HDAC9: variants seen among roughly 807,000 people sequenced by gnomAD.
HDAC9 encodes the protein MEF-2 interacting transcription repressor (MITR) protein.
Under a neutral mutation model 139.4 loss-of-function variants are expected in HDAC9, and 41 were observed. That is an observed-to-expected ratio of 0.29 (90% CI 0.23 to 0.38). HDAC9 has a LOEUF of 0.38. Among genes scored for constraint, HDAC9 ranks in the 10% least tolerant of loss-of-function variants. The pLI, the probability that HDAC9 is intolerant of heterozygous loss-of-function variation, is 1.00. For missense variants in HDAC9, 1,147 were observed against 1,297.0 expected, an observed-to-expected ratio of 0.88 and a Z score of 1.78; for synonymous variants, 517 against 476.2, an observed-to-expected ratio of 1.09 and a Z score of -1.12.
At chr7:18,930,986 A>T (rs1804692114) in intron 22 of HDAC9, among the ~76,000 whole-genome samples, 1 of 152,180 alleles carries the variant, frequency 6.6e-6, no homozygotes, top group South Asian at 2.1e-4. Flanking sequence ...TTTGTTCAGT[A>T]GTGACTTTAG....
At position 18,458,867 on chromosome 7, in the gene HDAC9, G is replaced by T. The variant is rs1168941125; in HGVS notation, c.-41-37395G>T. 43 of 1,534,918 alleles carry T rather than the reference G, an allele frequency of 2.8e-5. No individual in the cohort carries two copies. The East Asian group carries it at 1.0e-3, about 37-fold the overall frequency. On this transcript the variant is annotated intron_variant, in intron 1 of 3. Transcript: ENST00000413509. ...ACCTCATGTGGAACCTTGTACCATGGGTGCTATTCTGTGGCTGCTGTAGGA... is the reference window on the plus strand; with the variant it reads ...ACCTCATGTGGAACCTTGTACCATGTGTGCTATTCTGTGGCTGCTGTAGGA...
chr7:18,819,885 G>A (rs150013575), intron 17 of HDAC9, among the ~76,000 whole-genome samples: 504 of 152,126 alleles, frequency 3.3e-3, no homozygotes, highest in Non-Finnish European at 4.8e-3. Context: ...GGTACTATAG[G>A]ATATATTTGC....
chr7:18,214,187 A>G (rs1792135872), intron 2 of HDAC9, among the ~76,000 whole-genome samples: 1 of 152,144 alleles, frequency 6.6e-6, no homozygotes. Context: ...ATATTAATAG[A>G]GTATAATTGT....
At chr7:18,385,675 T>C (rs528472989) in intron 1 of HDAC9, among the ~76,000 whole-genome samples, 17 of 152,304 alleles carry the variant, frequency 1.1e-4, no homozygotes, top group South Asian at 2.1e-4. Flanking sequence ...TAATAGCCAT[T>C]TCTCATAAAT....
chr7:18,574,970 C>T (rs996969150), intron 2 of HDAC9, among the ~76,000 whole-genome samples: 1 of 152,214 alleles, frequency 6.6e-6, no homozygotes, highest in Non-Finnish European at 1.5e-5. Context: ...AACTCGAAAG[C>T]GGGTGAGGCT....
At chr7:18,764,293 C>T (rs762697606) in intron 15 of HDAC9, among the ~76,000 whole-genome samples, 2 of 152,086 alleles carry the variant, frequency 1.3e-5, no homozygotes, top group Non-Finnish European at 2.9e-5. Flanking sequence ...AATATTCCTA[C>T]AGTTGATAAT....
intron 6 of HDAC9, among the ~76,000 whole-genome samples, chr7:18,612,440 TCTAGAAG>T (rs1192510586): frequency 1.3e-5 from 2 of 152,162 alleles, no homozygotes; most frequent in African/African-American, 4.8e-5. Context: ...TTATGAGTCC[TCTAGAAG>T]TGAAAGATGA....
At chr7:18,546,414 C>T (rs1215875459) in intron 2 of HDAC9, among the ~76,000 whole-genome samples, 4 of 152,102 alleles carry the variant, frequency 2.6e-5, no homozygotes, top group African/African-American at 9.7e-5. Context: ...TACGAACTCT[C>T]CAAGTTCTTA....
At chr7:18,096,734 T>G (rs1425581400) in intron 1 of HDAC9, among the ~76,000 whole-genome samples, 1 of 152,228 alleles carries the variant, frequency 6.6e-6, no homozygotes, top group Non-Finnish European at 1.5e-5. Flanking sequence ...GACCGATTAT[T>G]AATATATTGT....
intron 12 of HDAC9, among the ~76,000 whole-genome samples, chr7:18,680,500 TG>T (rs1198348486): frequency 1.3e-5 from 2 of 151,952 alleles, no homozygotes; most frequent in Non-Finnish European, 2.9e-5. Flanking sequence ...TTAATTACCA[TG>T]GACTTTTAGA....
chr7:18,521,885 C>T (rs770242603), intron 2 of HDAC9, among the ~76,000 whole-genome samples: 1 of 152,000 alleles, frequency 6.6e-6, no homozygotes, highest in South Asian at 2.1e-4. Context: ...GAGTTTTACA[C>T]GAGGTTTAGA....
At chr7:18,494,201 A>C (rs942023610), upstream of HDAC9, among the ~76,000 whole-genome samples, 1 of 152,116 alleles carries the variant, frequency 6.6e-6, no homozygotes, top group Admixed American at 6.6e-5. Flanking sequence ...TGTAACTTAC[A>C]TATCCAAATA....
intron 1 of HDAC9, among the ~76,000 whole-genome samples, chr7:18,297,173 C>G (rs1798204907): frequency 6.6e-6 from 1 of 152,136 alleles, no homozygotes; most frequent in Admixed American, 6.5e-5. Flanking sequence ...AGGGAATGCC[C>G]ATAGCTAATG....
intron 2 of HDAC9, among the ~76,000 whole-genome samples, chr7:18,275,391 C>T (rs1796651139): frequency 6.6e-6 from 1 of 152,184 alleles, no homozygotes; most frequent in Non-Finnish European, 1.5e-5. Flanking sequence ...CCCAGCCCCA[C>T]CGTTTATTCT....
intron 17 of HDAC9, among the ~76,000 whole-genome samples, chr7:18,809,236 A>G (rs1220623473): frequency 6.6e-6 from 1 of 151,984 alleles, no homozygotes; most frequent in Non-Finnish European, 1.5e-5. Context: ...CTATAAAACT[A>G]CTTGAGGAAA....
intron 22 of HDAC9, among the ~76,000 whole-genome samples, chr7:18,891,006 C>T (rs201270173): frequency 1.3e-5 from 2 of 152,296 alleles, no homozygotes; most frequent in African/African-American, 4.8e-5. Context: ...ATCTGGGTTT[C>T]ATAGCACGTA....
At chr7:18,432,665 A>G (rs572590229) in intron 1 of HDAC9, among the ~76,000 whole-genome samples, 21 of 152,286 alleles carry the variant, frequency 1.4e-4, no homozygotes, top group African/African-American at 5.1e-4. Flanking sequence ...TACCAGTGGA[A>G]GGCCGGGCGC....
chr7:18,332,663 A>T (rs1037263339), intron 1 of HDAC9, among the ~76,000 whole-genome samples: 1 of 151,618 alleles, frequency 6.6e-6, no homozygotes, highest in African/African-American at 2.4e-5. Context: ...CAATTAATGC[A>T]TTTCTAAAAT....
At chr7:18,180,555 C>T (rs1047263422) in intron 2 of HDAC9, among the ~76,000 whole-genome samples, 2 of 151,988 alleles carry the variant, frequency 1.3e-5, no homozygotes, top group Non-Finnish European at 2.9e-5. Flanking sequence ...ACTCAATGGG[C>T]TGTATAACAT....
Sources: allele counts gnomAD v4.1 joint callset (sites outside exome capture counted in the v4.1 genomes callset), GRCh38; gene constraint gnomAD v4.1.1; transcripts MANE v1.5; gene names NCBI Gene and HGNC (gene_info 2026-07-23, HGNC 2026-07-21).